GPRC6A: variants seen among roughly 807,000 people sequenced by gnomAD.
The protein encoded by GPRC6A is G protein-coupled receptor class C group 6 member A.
Under a neutral mutation model 47.0 loss-of-function variants are expected in GPRC6A, and 54 were observed. That is an observed-to-expected ratio of 1.15 (90% CI 0.92 to 1.44). The LOEUF (loss-of-function observed/expected upper bound fraction) is 1.44. Ranked by LOEUF, GPRC6A falls within the 40% of genes most tolerant of loss-of-function variation. GPRC6A has a pLI of 0.00. For missense variants in GPRC6A, 1,112 were observed against 1,105.5 expected, an observed-to-expected ratio of 1.01 and a Z score of -0.08; for synonymous variants, 347 against 377.1, an observed-to-expected ratio of 0.92 and a Z score of 0.93.
chr6:116,821,617 C>T (rs1773483211), intron 1 of GPRC6A, among the ~76,000 whole-genome samples: 1 of 151,920 alleles, frequency 6.6e-6, no homozygotes, highest in South Asian at 2.1e-4. Flanking sequence ...GGAAAGGATT[C>T]CCTATTTAAT....
At chr6:116,819,133 G>A (rs1183443047) in intron 1 of GPRC6A, among the ~76,000 whole-genome samples, 2 of 152,004 alleles carry the variant, frequency 1.3e-5, no homozygotes, top group Non-Finnish European at 1.5e-5. Context: ...AATGGTAAAG[G>A]GATCCATTCA....
Position 116,828,781 on chromosome 6 carries a change from A to T in GPRC6A, c.194+39T>A, listed in dbSNP as rs756075724. On this transcript the variant is annotated intron_variant, in intron 1 of 5. Transcript: ENST00000310357. Reference sequence around the variant, plus strand: ...AGTTTATATGTCCTAGTCTCATGACAATCTTGAAATCTAAACGTGTTTTTT... The same window carrying T: ...AGTTTATATGTCCTAGTCTCATGACTATCTTGAAATCTAAACGTGTTTTTT... The T allele has an allele frequency of 4.5e-6, 7 of 1,560,028 alleles. No homozygotes were observed. In the Admixed American group the frequency reaches 5.3e-5, roughly 12 times the overall value.
Position 116,818,256 on chromosome 6 carries a change from C to T in GPRC6A, c.195-8639G>A, listed in dbSNP as rs570946973. 4.3e-4 allele frequency among the ~76,000 whole-genome samples: 65 copies of T among 152,006 alleles called. No individual in the cohort carries two copies. The East Asian group carries it at 5.6e-3, about 13-fold the overall frequency. On this transcript the variant is annotated intron_variant, in intron 1 of 5. Transcript: ENST00000310357. ...ATTCTTAAAGAAAAGAATTTTCGGC[C>T]GGGCGCGGTGGCTCACGCCTGTAAT...
Position 116,792,145 on chromosome 6 carries a change from T to C in GPRC6A, c.2778A>G (p.Ile926Met), listed in dbSNP as rs745329685. 7 of 1,610,894 alleles carry C rather than the reference T, an allele frequency of 4.3e-6. No homozygotes were observed. Among genetic ancestry groups the C allele is most frequent in the African/African-American group, 4.0e-5 (3 of 74,882 alleles). Reference sequence around the variant, plus strand: ...TGTGGCATCTCCTAAGGCTTATTCATATACTTGACATTCTTTTTCGAGGCA... The same window carrying C: ...TGTGGCATCTCCTAAGGCTTATTCACATACTTGACATTCTTTTTCGAGGCA... Reference protein sequence around the residue: ...KTLPRKRMSSI With the variant: ...KTLPRKRMSSM The change falls in exon 6 of 6, where the codon ATA (isoleucine) becomes ATG (methionine). Residue 926 changes from isoleucine to methionine, a missense_variant. Ile to Met is a conservative substitution (Grantham distance 10). Transcript: ENST00000310357.
At chr6:116,804,347 G>T (rs1251801858) in intron 3 of GPRC6A, among the ~76,000 whole-genome samples, 1 of 152,026 alleles carries the variant, frequency 6.6e-6, no homozygotes, top group Non-Finnish European at 1.5e-5. Flanking sequence ...AAAATTATTT[G>T]CATCTAAAAT....
chr6:116,823,938 G>A lies in GPRC6A; in HGVS notation c.194+4882C>T, dbSNP rs530775287. ...TGTATCATAAGAACAGCACTAGGGG[G>A]ATGGTGCTAAGCCATTCATAAGAAA... On this transcript the variant is annotated intron_variant, in intron 1 of 5. Transcript: ENST00000310357. 2.4e-4 allele frequency among the ~76,000 whole-genome samples: 37 copies of A among 152,148 alleles called. 1 individual carries two copies. The South Asian group carries it at 7.2e-3, about 30-fold the overall frequency.
At chr6:116,807,251 AGG>A in intron 2 of GPRC6A, 45 bp from the exon 3 acceptor site, 1 of 1,156,256 alleles carries the variant, frequency 8.6e-7, no homozygotes, top group Non-Finnish European at 1.3e-6. Flanking sequence ...GATGAACTCC[AGG>A]TAACTGTTCA....
intron 1 of GPRC6A, among the ~76,000 whole-genome samples, chr6:116,813,396 G>C (rs149275958): frequency 0.016 from 2,501 of 152,206 alleles, 78 homozygotes; most frequent in African/African-American, 0.056. Flanking sequence ...CATGGTACTG[G>C]TACCAAAAAG....
At chr6:116,813,194 A>G (rs1459563228) in intron 1 of GPRC6A, among the ~76,000 whole-genome samples, 1 of 152,182 alleles carries the variant, frequency 6.6e-6, no homozygotes, top group South Asian at 2.1e-4. Context: ...AAGGTAATTT[A>G]TAGATTCAAT....
intron 5 of GPRC6A, among the ~76,000 whole-genome samples, chr6:116,795,161 GCAAA>G (rs1333172923): frequency 2.0e-5 from 3 of 152,138 alleles, no homozygotes; most frequent in Admixed American, 2.0e-4. Flanking sequence ...GATAGGGTTG[GCAAA>G]CAGTCATTTA....
chr6:116,827,224 A>C (rs1773706400), intron 1 of GPRC6A, among the ~76,000 whole-genome samples: 1 of 151,976 alleles, frequency 6.6e-6, no homozygotes, highest in Non-Finnish European at 1.5e-5. Flanking sequence ...CAATATATAG[A>C]AGTGACAATA....
intron 1 of GPRC6A, among the ~76,000 whole-genome samples, chr6:116,827,086 G>A (rs4946194): frequency 0.011 from 1,672 of 151,888 alleles, 28 homozygotes; most frequent in Admixed American, 0.04. Flanking sequence ...AGAGAGGTAG[G>A]TTAGTGGGTA....
chr6:116,806,224 A>G, intron 3 of GPRC6A, 146 bp downstream of exon 3: 2 of 604,844 alleles, frequency 3.3e-6, no homozygotes, highest in Non-Finnish European at 5.9e-6. Flanking sequence ...TATGATAGAA[A>G]TGCTGGTTAT....
chr6:116,816,597 G>T (rs955622401), intron 1 of GPRC6A, among the ~76,000 whole-genome samples: 4 of 152,178 alleles, frequency 2.6e-5, no homozygotes, highest in Non-Finnish European at 4.4e-5. Flanking sequence ...GCAGAAGACG[G>T]GTGATTTCTG....
intron 1 of GPRC6A, among the ~76,000 whole-genome samples, chr6:116,825,801 T>G (rs1470563380): frequency 6.6e-6 from 1 of 151,782 alleles, no homozygotes; most frequent in Non-Finnish European, 1.5e-5. Flanking sequence ...CCTGACAAAA[T>G]TATATCACAA....
intron 1 of GPRC6A, among the ~76,000 whole-genome samples, chr6:116,823,346 C>T (rs1474857290): frequency 3.3e-5 from 5 of 152,140 alleles, no homozygotes; most frequent in Admixed American, 6.6e-5. Flanking sequence ...GGCAGGGGCA[C>T]AATGCCACCA....
chr6:116,814,895 T>A (rs1343509195), intron 1 of GPRC6A, among the ~76,000 whole-genome samples: 1 of 152,038 alleles, frequency 6.6e-6, no homozygotes, highest in Non-Finnish European at 1.5e-5. Flanking sequence ...AGATATCTCA[T>A]GCAAACAAAA....
At position 116,792,960 on chromosome 6, in the gene GPRC6A, G is replaced by A. The variant is rs144698290; in HGVS notation, c.1963C>T (p.Gln655Ter). Reference protein sequence around the residue: ...ASTSFFIGEPQDFTCKTRQTM... With the variant: ...ASTSFFIGEP ...TGCCTGGTTTTACATGTGAAGTCTT[G>A]TGGTTCTCCAATGAAAAAGCTCGTG... The change falls in exon 6 of 6, where the codon CAA (glutamine) becomes TAA (stop). Residue 655 changes from glutamine (Q) to a stop codon, truncating the protein, a stop_gained. Coordinates refer to ENST00000310357, the MANE Select transcript of GPRC6A (RefSeq NM_148963.4). LOFTEE classifies it low-confidence loss of function (END_TRUNC). The A allele has an allele frequency of 6.3e-5, 102 of 1,614,074 alleles. 1 individual carries two copies. The African/African-American group carries it at 1.1e-3, about 18-fold the overall frequency.
At position 116,792,995 on chromosome 6, in the gene GPRC6A, T is replaced by A; in HGVS notation, c.1928A>T (p.Asn643Ile). The A allele has an allele frequency of 1.2e-6, 2 of 1,614,064 alleles. No homozygotes were observed. Residue 643 changes from asparagine to isoleucine, a missense_variant, in exon 6 of 6, where the codon AAT becomes ATT. Transcript: ENST00000310357. Reference protein sequence around the residue: ...CYVILLCHFLNFASTSFFIGE... With the variant: ...CYVILLCHFLIFASTSFFIGE... ...AATGAAAAAGCTCGTGCTGGCAAAA[T>A]TGAGGAAATGACAGAGAAGGATCAC... is the stretch of plus-strand genomic sequence containing the variant.
Sources: gnomAD v4.1 joint callset for allele counts (sites outside exome capture counted in the v4.1 genomes callset) on GRCh38, gnomAD v4.1.1 for gene constraint, MANE v1.5 for transcripts, NCBI Gene and HGNC (gene_info 2026-07-23, HGNC 2026-07-21) for gene names.